AGAP3: variants seen among roughly 807,000 people sequenced by gnomAD.
AGAP3 encodes ArfGAP with GTPase domain, ankyrin repeat and PH domain 3.
AGAP3 carries 24 observed loss-of-function variants against 96.9 expected under a neutral mutation model. The ratio of observed to expected loss-of-function variants is 0.25; its 90% CI spans 0.18 to 0.35. AGAP3 has a LOEUF of 0.35. Among genes scored for constraint, AGAP3 ranks in the 10% least tolerant of loss-of-function variants. The pLI, the probability that AGAP3 is intolerant of heterozygous loss-of-function variation, is 1.00. For missense variants in AGAP3, 876 were observed against 1,254.2 expected (o/e 0.70, Z 4.55); for synonymous variants, 563 against 536.1 (o/e 1.05, Z -0.69).
intron 1 of AGAP3, 113 bp downstream of exon 1, chr7:151,087,185 C>G (rs1198196544): frequency 8.6e-7 from 1 of 1,158,374 alleles, no homozygotes; most frequent in Non-Finnish European, 1.2e-6. Context: ...TCCTTGCGCG[C>G]TTGAGGACCA....
At chr7:151,097,679 G>A (rs1563428473) in intron 1 of AGAP3, among the ~76,000 whole-genome samples, 1 of 152,074 alleles carries the variant, frequency 6.6e-6, no homozygotes, top group Non-Finnish European at 1.5e-5. Context: ...GTCACATGGT[G>A]GAAGTGGGAG....
rs1799261369 is a variant in AGAP3, at chr7:151,111,083, T to C, written c.332-5710T>C. Among the ~76,000 whole-genome samples, 4 of 152,148 alleles carry C rather than the reference T, an allele frequency of 2.6e-5. No individual in the cohort carries two copies. In the South Asian group the frequency reaches 8.3e-4, roughly 32 times the overall value. The stretch of plus-strand genomic sequence containing the variant: ...CTAAGCTCCAACTTGGAGAGCCTGC[T>C]GGACACCAGCCAGTCCTGGGGGGCG... On this transcript the variant is annotated intron_variant, in intron 1 of 17. Transcript: ENST00000397238.
chr7:151,120,399 C>G, intron 8 of AGAP3: 1 of 668,552 alleles, frequency 1.5e-6, no homozygotes, highest in Non-Finnish European at 2.7e-6. Context: ...TGCCCTCTGC[C>G]GCACACACTC....
In AGAP3 at chr7:151,108,771, C is replaced by T. The variant is rs1799161813; in HGVS notation, c.332-8022C>T. On this transcript the variant is annotated intron_variant, in intron 1 of 17. Coordinates refer to ENST00000397238, the MANE Select transcript of AGAP3 (RefSeq NM_031946.7). This position sits in a 1 kb window ranked among gnomAD's most constrained non-coding sequence, Gnocchi z 4.2. ...GGATTCTGGAGTCCTGGGCCCTGCC[C>T]AGGCTCTGTCACTGCTGGGCTGTGT... 3.9e-5 allele frequency among the ~76,000 whole-genome samples: 6 copies of T among 152,236 alleles called. No individual in the cohort carries two copies. Among genetic ancestry groups the T allele is most frequent in the Admixed American group, 2.6e-4 (4 of 15,284 alleles).
In AGAP3 at chr7:151,137,386, A is replaced by G. The variant is rs929164625; in HGVS notation, c.1496-757A>G. ...CCTGGGGCCATTTCTTTGTGGTCTC[A>G]GTGTTGGGTGGACTGAAGAAGGGGA... On this transcript the variant is annotated intron_variant, in intron 11 of 17. Coordinates refer to ENST00000397238, the MANE Select transcript of AGAP3 (RefSeq NM_031946.7). 2.6e-5 allele frequency among the ~76,000 whole-genome samples: 4 copies of G among 152,270 alleles called. No individual in the cohort carries two copies. The South Asian group carries it at 8.3e-4, about 32-fold the overall frequency.
chr7:151,098,403 T>A (rs1000048481), intron 1 of AGAP3, among the ~76,000 whole-genome samples: 1 of 150,666 alleles, frequency 6.6e-6, no homozygotes, highest in Non-Finnish European at 1.5e-5. Flanking sequence ...AGATAACACA[T>A]GGGACTGGGT....
At chr7:151,115,772 C>A in intron 1 of AGAP3, 1 of 510,198 alleles carries the variant, frequency 2.0e-6, no homozygotes, top group Non-Finnish European at 2.6e-6. Flanking sequence ...CGAGTGTCGT[C>A]CGCGCCTGGC....
chr7:151,105,416 T>C (rs1293495735), intron 1 of AGAP3, among the ~76,000 whole-genome samples: 1 of 152,120 alleles, frequency 6.6e-6, no homozygotes, highest in Non-Finnish European at 1.5e-5. Flanking sequence ...TTTATACAGG[T>C]CCATATAATT....
chr7:151,138,594 G>A (rs1046525557), intron 12 of AGAP3, among the ~76,000 whole-genome samples: 2 of 152,178 alleles, frequency 1.3e-5, no homozygotes, highest in Admixed American at 1.3e-4. Context: ...GCCTGGGGCC[G>A]GCGCTAGAGG....
At position 151,124,398 on chromosome 7, in the gene AGAP3, C is replaced by T. The variant is rs72617359; in HGVS notation, c.1221+512C>T. On this transcript the variant is annotated intron_variant, in intron 9 of 17. Coordinates refer to ENST00000397238, the MANE Select transcript of AGAP3 (RefSeq NM_031946.7). ...CTGGGGGCCCTGGGCCTGCCTTCTT[C>T]CACACCTCCGGTCTTGGATTCCTGC... 0.011 allele frequency among the ~76,000 whole-genome samples: 1,639 copies of T among 152,348 alleles called. 143 individuals carry two copies. In the East Asian group the frequency reaches 0.23, roughly 21 times the overall value.
chr7:151,115,538 G>C, intron 1 of AGAP3: 2 of 1,085,870 alleles, frequency 1.8e-6, no homozygotes, highest in Non-Finnish European at 1.1e-6. Context: ...CCGGCCTCTG[G>C]AGGCTGCTCA....
upstream of AGAP3, among the ~76,000 whole-genome samples, chr7:151,086,323 G>T (rs1464815767): frequency 6.8e-6 from 1 of 147,078 alleles, no homozygotes; most frequent in African/African-American, 2.5e-5. Context: ...GCCAGCGAGC[G>T]AGCGAGGGGC....
intron 1 of AGAP3, among the ~76,000 whole-genome samples, chr7:151,105,781 C>CCG (rs1554463818): frequency 1.7e-5 from 1 of 58,990 alleles, no homozygotes; most frequent in African/African-American, 7.3e-5. Flanking sequence ...ATTCCGCCCC[C>CCG]CCCCCCGACA....
chr7:151,136,822 A>G (rs1234228878), intron 11 of AGAP3, among the ~76,000 whole-genome samples: 1 of 152,082 alleles, frequency 6.6e-6, no homozygotes, highest in African/African-American at 2.4e-5. Context: ...AGGAGAAGCA[A>G]GGTATCTGAG....
At chr7:151,123,038 G>C (rs775646999) in intron 8 of AGAP3, 1 of 1,337,302 alleles carries the variant, frequency 7.5e-7, no homozygotes, top group East Asian at 3.2e-5. Context: ...AGGCAGCTCG[G>C]CCCCACGCCC....
At chr7:151,120,884 T>C in intron 8 of AGAP3, 1 of 1,120,272 alleles carries the variant, frequency 8.9e-7, no homozygotes, top group Non-Finnish European at 1.1e-6. Context: ...CCACTCCCAA[T>C]GTGCGACACA....
intron 8 of AGAP3, chr7:151,122,635 C>T (rs1393522924): frequency 4.4e-5 from 67 of 1,514,348 alleles, no homozygotes; most frequent in Middle Eastern, 1.7e-4. Context: ...GCTCCCCAGG[C>T]GCCTGGGTCT....
intron 1 of AGAP3, among the ~76,000 whole-genome samples, chr7:151,110,451 G>A (rs1453612007): frequency 2.6e-5 from 4 of 151,612 alleles, no homozygotes; most frequent in Non-Finnish European, 4.4e-5. Flanking sequence ...TGGGGATGGA[G>A]GCGGGTCCTG....
At chr7:151,087,812 C>T (rs1224472662) in intron 1 of AGAP3, among the ~76,000 whole-genome samples, 2 of 152,264 alleles carry the variant, frequency 1.3e-5, no homozygotes, top group Non-Finnish European at 2.9e-5. Context: ...TTTCTCTGGG[C>T]CCTTAGGCCC....
Sources: gnomAD v4.1 joint callset for allele counts (sites outside exome capture counted in the v4.1 genomes callset) on GRCh38, gnomAD v4.1.1 for gene constraint, Gnocchi (gnomAD v3.1) non-coding constraint, MANE v1.5 for transcripts, NCBI Gene and HGNC (gene_info 2026-07-23, HGNC 2026-07-21) for gene names.